The following ADGB variants were observed in gnomAD, a reference collection of about 807,000 sequenced individuals.
ADGB encodes the protein calpain-7-like protein.
Under a neutral mutation model 210.5 loss-of-function variants are expected in ADGB, and 172 were observed. The observed-to-expected ratio is 0.82, with a 90% CI of 0.72 to 0.93. The LOEUF (loss-of-function observed/expected upper bound fraction) is 0.93, where lower values mean the gene tolerates loss of function less well. Among genes scored for constraint, ADGB ranks in the 40% least tolerant of loss-of-function variants. ADGB has a pLI of 0.00. For missense variants in ADGB, 2,025 were observed against 1,964.8 expected (o/e 1.03, Z -0.58); for synonymous variants, 658 against 662.7 (o/e 0.99, Z 0.11).
At chr6:146,713,696 C>A (rs887158199) in intron 13 of ADGB, among the ~76,000 whole-genome samples, 2 of 152,068 alleles carry the variant, frequency 1.3e-5, no homozygotes, top group African/African-American at 4.8e-5. Context: ...TTGTAGGTTG[C>A]ATTCTCACTC....
chr6:146,715,221 T>G (rs1265002883), intron 13 of ADGB, among the ~76,000 whole-genome samples, 161 bp from the exon 14 acceptor site: 4 of 152,252 alleles, frequency 2.6e-5, no homozygotes, highest in Non-Finnish European at 5.9e-5. Flanking sequence ...CTTTGACATT[T>G]AAAGTTAAAA....
intron 23 of ADGB, among the ~76,000 whole-genome samples, chr6:146,739,424 C>T (rs1489540106): frequency 1.3e-5 from 2 of 152,128 alleles, no homozygotes; most frequent in African/African-American, 4.8e-5. Flanking sequence ...TAAGTATAAA[C>T]CACAGCTATC....
chr6:146,798,239 T>A (rs1046712463), intron 33 of ADGB, among the ~76,000 whole-genome samples: 1 of 152,122 alleles, frequency 6.6e-6, no homozygotes, highest in Non-Finnish European at 1.5e-5. Flanking sequence ...GAAAGGTAAT[T>A]ATGTAGGTAA....
At chr6:146,765,730 T>C (rs1286984194) in intron 28 of ADGB, among the ~76,000 whole-genome samples, 1 of 151,724 alleles carries the variant, frequency 6.6e-6, no homozygotes, top group Non-Finnish European at 1.5e-5. Flanking sequence ...ACTACTACTA[T>C]TTTTAGTAGT....
At chr6:146,652,011 C>T (rs1013358500) in intron 3 of ADGB, among the ~76,000 whole-genome samples, 2 of 152,046 alleles carry the variant, frequency 1.3e-5, no homozygotes, top group South Asian at 2.1e-4. Context: ...CTTACCAGAC[C>T]TGTTTATTTC....
Position 146,764,068 on chromosome 6 carries a change from A to G in ADGB, c.3718A>G (p.Thr1240Ala), listed in dbSNP as rs200500495. The G allele has an allele frequency of 6.5e-5, 100 of 1,550,334 alleles. 3 individuals are homozygous for G. The Middle Eastern group carries it at 1.3e-3, about 21-fold the overall frequency. Residue 1240 changes from threonine to alanine, a missense_variant, in exon 28 of 36, where the codon ACT (threonine) becomes GCT (alanine). By Grantham distance (58) the Thr-to-Ala change is moderately conservative. Coordinates refer to ENST00000397944, the MANE Select transcript of ADGB (RefSeq NM_024694.4). ...LVEEETTSTP[T>A]REDSSSTPLQ... ...GGAGGAGGAAACTACCAGTACACCC[A>G]CTAGAGAAGACAGTTCCAGCACACC... is the stretch of plus-strand genomic sequence containing the variant.
intron 34 of ADGB, among the ~76,000 whole-genome samples, 188 bp downstream of exon 34, chr6:146,801,467 G>A (rs1360798680): frequency 1.3e-5 from 2 of 152,070 alleles, no homozygotes; most frequent in African/African-American, 2.4e-5. Flanking sequence ...CTAGATGATA[G>A]AAATATATTA....
At chr6:146,673,405 T>A (rs1207441553) in intron 8 of ADGB, among the ~76,000 whole-genome samples, 5 of 152,194 alleles carry the variant, frequency 3.3e-5, no homozygotes, top group Non-Finnish European at 7.4e-5. Context: ...TCTCAGGGCC[T>A]CTGAGGCTCC....
At chr6:146,711,126 A>G (rs1049073043) in intron 13 of ADGB, among the ~76,000 whole-genome samples, 32 of 152,168 alleles carry the variant, frequency 2.1e-4, no homozygotes, top group Non-Finnish European at 2.8e-4. Context: ...TTGTCATTTC[A>G]TAATTTTTGG....
At chr6:146,651,581 A>G (rs1231184460) in intron 3 of ADGB, among the ~76,000 whole-genome samples, 1 of 152,158 alleles carries the variant, frequency 6.6e-6, no homozygotes, top group Non-Finnish European at 1.5e-5. Context: ...AGTCTCTTCC[A>G]ATGGCTATCT....
intron 27 of ADGB, among the ~76,000 whole-genome samples, chr6:146,754,815 TG>T (rs1188544298): frequency 6.6e-6 from 1 of 152,044 alleles, no homozygotes; most frequent in African/African-American, 2.4e-5. Context: ...ACTGTCCCAC[TG>T]AGGTTTAAAA....
intron 1 of ADGB, among the ~76,000 whole-genome samples, chr6:146,620,844 A>G (rs1780879694): frequency 1.3e-5 from 2 of 152,088 alleles, no homozygotes; most frequent in African/African-American, 4.8e-5. Context: ...TGGTGATGTC[A>G]TATTTCCTGA....
intron 1 of ADGB, among the ~76,000 whole-genome samples, chr6:146,631,468 A>G (rs1448305897): frequency 6.6e-6 from 1 of 152,220 alleles, no homozygotes; most frequent in African/African-American, 2.4e-5. Flanking sequence ...CCAAACTGCA[A>G]AAGAAATGGA....
intron 26 of ADGB, among the ~76,000 whole-genome samples, chr6:146,749,937 A>G (rs545277614): frequency 1.9e-3 from 285 of 152,184 alleles, no homozygotes; most frequent in Non-Finnish European, 3.4e-3. Flanking sequence ...CCATGATCCA[A>G]TCACCTCCTA....
chr6:146,767,417 C>T (rs1777592961), intron 28 of ADGB, among the ~76,000 whole-genome samples: 1 of 152,190 alleles, frequency 6.6e-6, no homozygotes, highest in African/African-American at 2.4e-5. Flanking sequence ...TTACTTATTA[C>T]TTACTATGCA....
At chr6:146,699,053 T>C (rs908363085) in intron 12 of ADGB, among the ~76,000 whole-genome samples, 2 of 152,204 alleles carry the variant, frequency 1.3e-5, no homozygotes, top group African/African-American at 4.8e-5. Flanking sequence ...CTGATTAATA[T>C]CATGCTTAAG....
chr6:146,698,184 G>A (rs1267115063), intron 12 of ADGB, among the ~76,000 whole-genome samples: 5 of 152,140 alleles, frequency 3.3e-5, no homozygotes, highest in African/African-American at 1.2e-4. Context: ...ATATGACTGT[G>A]TTTACTTTGT....
intron 21 of ADGB, 26 bp downstream of exon 21, chr6:146,733,281 T>C (rs1777030264): frequency 6.9e-7 from 1 of 1,442,608 alleles, no homozygotes; most frequent in Non-Finnish European, 9.2e-7. Flanking sequence ...ATATATTTAA[T>C]CAAGGAATTC....
intron 19 of ADGB, among the ~76,000 whole-genome samples, chr6:146,727,315 G>A (rs1227059152): frequency 6.6e-6 from 1 of 152,118 alleles, no homozygotes; most frequent in African/African-American, 2.4e-5. Context: ...CAGTGGCTGT[G>A]CAAGAGTTCC....
Sources: allele counts gnomAD v4.1 joint callset (sites outside exome capture counted in the v4.1 genomes callset), GRCh38; gene constraint gnomAD v4.1.1; transcripts MANE v1.5; gene names NCBI Gene and HGNC (gene_info 2026-07-23, HGNC 2026-07-21).